ANKRD28: variants seen among roughly 807,000 people sequenced by gnomAD.
The protein encoded by ANKRD28 is serine/threonine-protein phosphatase 6 regulatory ankyrin repeat subunit A.
ANKRD28 carries 44 observed loss-of-function variants against 126.5 expected under a neutral mutation model. The observed-to-expected ratio is 0.35, with a 90% CI of 0.27 to 0.45. The LOEUF (loss-of-function observed/expected upper bound fraction) is 0.45, where lower values mean the gene tolerates loss of function less well. Ranked by LOEUF, ANKRD28 falls within the 20% of genes least tolerant of loss-of-function variation. ANKRD28 has a pLI of 1.00. For synonymous variants in ANKRD28, 442 were observed against 468.5 expected, an observed-to-expected ratio of 0.94 and a Z score of 0.73; for missense variants, 1,110 against 1,316.6, an observed-to-expected ratio of 0.84 and a Z score of 2.43.
chr3:15,832,488 T>G (rs757076390), intron 1 of ANKRD28, among the ~76,000 whole-genome samples: 4 of 152,210 alleles, frequency 2.6e-5, no homozygotes, highest in Non-Finnish European at 5.9e-5. Context: ...AAAAATAAAT[T>G]TAGGGGATAC....
intron 14 of ANKRD28, among the ~76,000 whole-genome samples, chr3:15,704,826 T>C (rs1229310292): frequency 2.0e-5 from 3 of 152,206 alleles, no homozygotes; most frequent in Non-Finnish European, 2.9e-5. Context: ...TATTTTCCAC[T>C]AGGCTCCCAT....
chr3:15,733,873 A>G (rs150190145), intron 6 of ANKRD28, among the ~76,000 whole-genome samples: 2 of 152,230 alleles, frequency 1.3e-5, no homozygotes, highest in Non-Finnish European at 2.9e-5. Flanking sequence ...TGTTTTCATT[A>G]TAGGCATAGG....
chr3:15,767,008 G>C (rs752092192), intron 2 of ANKRD28, among the ~76,000 whole-genome samples: 2 of 152,114 alleles, frequency 1.3e-5, no homozygotes, highest in Non-Finnish European at 2.9e-5. Context: ...AAAATATTTC[G>C]GGGGATTCGA....
chr3:15,835,668 T>C (rs1575795191), intron 1 of ANKRD28, among the ~76,000 whole-genome samples: 1 of 152,204 alleles, frequency 6.6e-6, no homozygotes, highest in Non-Finnish European at 1.5e-5. Flanking sequence ...ATAACTTCTC[T>C]CCCAGCCTCA....
chr3:15,764,633 T>G (rs1394152257), intron 3 of ANKRD28, among the ~76,000 whole-genome samples: 1 of 152,042 alleles, frequency 6.6e-6, no homozygotes, highest in Non-Finnish European at 1.5e-5. Flanking sequence ...AAATAAAAAA[T>G]GCAGCAGTAG....
At chr3:15,670,629 A>C (rs898103995) in intron 27 of ANKRD28, 73 bp from the exon 28 acceptor site, 1 of 1,416,648 alleles carries the variant, frequency 7.1e-7, no homozygotes, top group African/African-American at 1.4e-5. Context: ...AAATAAGCCT[A>C]AAGTACTTCA....
At chr3:15,760,999 G>A (rs1172973277) in intron 3 of ANKRD28, among the ~76,000 whole-genome samples, 17 of 152,002 alleles carry the variant, frequency 1.1e-4, no homozygotes, top group African/African-American at 3.9e-4. Context: ...ATAAAAACCT[G>A]AAATATGAAC....
intron 21 of ANKRD28, among the ~76,000 whole-genome samples, chr3:15,682,980 T>C (rs1302397593): frequency 1.3e-5 from 2 of 152,232 alleles, no homozygotes; most frequent in Non-Finnish European, 2.9e-5. Flanking sequence ...ATTCTGTCTC[T>C]TGCACAAAAC....
At position 15,694,636 on chromosome 3, in the gene ANKRD28, T is replaced by C. The variant is rs960905824; in HGVS notation, c.1761+103A>G. 3 of 891,350 alleles carry C rather than the reference T, an allele frequency of 3.4e-6. No homozygotes were observed. In the Admixed American group the frequency reaches 7.1e-5, roughly 21 times the overall value. 55.2% of individuals were successfully genotyped at this position (891,350 alleles called of 1,614,324 possible). A position where few individuals can be genotyped will look rare whatever the true frequency, so the allele number is the denominator to read the frequency against. On this transcript the variant is annotated intron_variant, in intron 17 of 27. Transcript: ENST00000683139. ...TTTTAATTCCATGATAACTATTACATGGACCAAAAGTTTATGGTACTAGTT... is the reference window on the plus strand; with the variant it reads ...TTTTAATTCCATGATAACTATTACACGGACCAAAAGTTTATGGTACTAGTT...
chr3:15,774,250 A>G (rs73038271), intron 2 of ANKRD28, among the ~76,000 whole-genome samples: 5,598 of 152,284 alleles, frequency 0.037, 163 homozygotes, highest in Non-Finnish European at 0.052. Context: ...AAATCCATGA[A>G]GTTAATGAAT....
At chr3:15,772,780 G>A (rs1374823770) in intron 2 of ANKRD28, among the ~76,000 whole-genome samples, 4 of 152,034 alleles carry the variant, frequency 2.6e-5, no homozygotes, top group Non-Finnish European at 5.9e-5. Flanking sequence ...TCCACCTCCC[G>A]GGTTCAAGCG....
chr3:15,766,864 A>C (rs1421189731), intron 2 of ANKRD28, among the ~76,000 whole-genome samples: 1 of 152,220 alleles, frequency 6.6e-6, no homozygotes, highest in Non-Finnish European at 1.5e-5. Context: ...TATATATAGG[A>C]AAATTTTACT....
At chr3:15,761,048 A>AT (rs1389949794) in intron 3 of ANKRD28, among the ~76,000 whole-genome samples, 3 of 152,262 alleles carry the variant, frequency 2.0e-5, no homozygotes, top group East Asian at 1.9e-4. Context: ...CAATCTTTCT[A>AT]TTTTTTTATG....
chr3:15,676,961 T>C lies in ANKRD28; in HGVS notation c.2873+13A>G. 3 of 1,604,322 alleles carry C rather than the reference T, an allele frequency of 1.9e-6. No homozygotes were observed. Among genetic ancestry groups the C allele is most frequent in the Non-Finnish European group, 2.6e-6 (3 of 1,171,580 alleles). ...AGGTCACAAAGTTTATACTAGATAC[T>C]GACAGTACTCACGTTTGCAAGGCTG... On this transcript the variant is annotated intron_variant, in intron 26 of 27. Transcript: ENST00000683139.
chr3:15,836,675 T>C (rs2061331873), intron 1 of ANKRD28, among the ~76,000 whole-genome samples: 1 of 152,180 alleles, frequency 6.6e-6, no homozygotes, highest in African/African-American at 2.4e-5. Context: ...GGAGTTATAT[T>C]TGTACCTGAC....
chr3:15,755,154 TA>T (rs977040486), intron 3 of ANKRD28, among the ~76,000 whole-genome samples: 1 of 151,650 alleles, frequency 6.6e-6, no homozygotes, highest in Non-Finnish European at 1.5e-5. Flanking sequence ...TAATAAAAAA[TA>T]AAAAAAATCA....
chr3:15,832,101 C>T (rs2061215006), intron 1 of ANKRD28, among the ~76,000 whole-genome samples: 2 of 152,096 alleles, frequency 1.3e-5, no homozygotes, highest in South Asian at 4.1e-4. Context: ...TAAAAGACAT[C>T]GTATTTGCCC....
intron 18 of ANKRD28, among the ~76,000 whole-genome samples, chr3:15,687,437 C>T (rs1388988894): frequency 6.6e-6 from 1 of 151,816 alleles, no homozygotes. Context: ...AGAAGTAGTC[C>T]AAAGAAAAGA....
intron 14 of ANKRD28, among the ~76,000 whole-genome samples, chr3:15,704,195 C>T (rs2071028882): frequency 1.3e-5 from 2 of 152,040 alleles, no homozygotes; most frequent in African/African-American, 2.4e-5. Context: ...TGGATTCTTA[C>T]ATGATGTAAA....
Sources: gnomAD v4.1 joint callset for allele counts (sites outside exome capture counted in the v4.1 genomes callset) on GRCh38, gnomAD v4.1.1 for gene constraint, MANE v1.5 for transcripts, NCBI Gene and HGNC (gene_info 2026-07-23, HGNC 2026-07-21) for gene names.